NTPCR: variants seen among roughly 807,000 people sequenced by gnomAD.
NTPCR encodes the protein cancer-related nucleoside-triphosphatase.
Under a neutral mutation model 19.5 loss-of-function variants are expected in NTPCR, and 15 were observed. That is an observed-to-expected ratio of 0.77 (90% CI 0.51 to 1.18). The LOEUF (loss-of-function observed/expected upper bound fraction) is 1.18. NTPCR is among the 50% of genes most tolerant of loss of function. NTPCR has a pLI of 0.00. For synonymous variants in NTPCR, 90 were observed against 95.8 expected (o/e 0.94, Z 0.36); for missense variants, 206 against 240.4 (o/e 0.86, Z 0.95).
intron 3 of NTPCR, among the ~76,000 whole-genome samples, chr1:232,958,143 T>G (rs1668564576): frequency 6.6e-6 from 1 of 152,236 alleles, no homozygotes; most frequent in African/African-American, 2.4e-5. Context: ...CTTACTACTT[T>G]GATTTGTGAA....
chr1:232,966,014 C>G (rs1668808280), intron 3 of NTPCR: 1 of 152,260 alleles, frequency 6.6e-6, no homozygotes, highest in Admixed American at 6.5e-5. Context: ...GACACCTTGT[C>G]CTGGCTATGC....
At chr1:232,956,233 C>A in intron 2 of NTPCR, 114 bp from the exon 3 acceptor site, 1 of 738,096 alleles carries the variant, frequency 1.4e-6, no homozygotes, top group African/African-American at 1.7e-5. Context: ...TTGTGTTGGT[C>A]ATTTTTAAGG....
At chr1:232,951,552 T>C (rs1016790233) in intron 1 of NTPCR, among the ~76,000 whole-genome samples, 1 of 152,180 alleles carries the variant, frequency 6.6e-6, no homozygotes, top group Admixed American at 6.5e-5. Context: ...TAAAAAAAGA[T>C]AGATGGGCTA....
chr1:232,972,722 T>C (rs1340850229), intron 4 of NTPCR, among the ~76,000 whole-genome samples: 1 of 152,226 alleles, frequency 6.6e-6, no homozygotes, highest in African/African-American at 2.4e-5. Context: ...CCACTGTGCC[T>C]GGCCAAGAAC....
Position 232,970,453 on chromosome 1 carries a change from C to T in NTPCR, c.504+335C>T, listed in dbSNP as rs985875781. 2.4e-4 allele frequency among the ~76,000 whole-genome samples: 36 copies of T among 152,250 alleles called. No individual in the cohort carries two copies. The East Asian group carries it at 3.5e-3, about 15-fold the overall frequency. On this transcript the variant is annotated intron_variant, in intron 4 of 4. Transcript: ENST00000366628. ...GCTTATCTCTTCTCAGATTGAAAGGCGCCAGGTTGGGATACAGAGGCAAAT... is the reference window on the plus strand; with the variant it reads ...GCTTATCTCTTCTCAGATTGAAAGGTGCCAGGTTGGGATACAGAGGCAAAT...
At chr1:232,960,614 T>G (rs1230840521) in intron 3 of NTPCR, among the ~76,000 whole-genome samples, 1 of 152,102 alleles carries the variant, frequency 6.6e-6, no homozygotes, top group Non-Finnish European at 1.5e-5. Context: ...AGTGCTGGGA[T>G]TACAGGCGTG....
chr1:232,973,260 A>G (rs917966905), intron 4 of NTPCR, among the ~76,000 whole-genome samples: 1 of 152,194 alleles, frequency 6.6e-6, no homozygotes, highest in Non-Finnish European at 1.5e-5. Flanking sequence ...AGCTCATGAT[A>G]TGGGGGAAAT....
At position 232,978,315 on chromosome 1, in the gene NTPCR, C is replaced by A. The variant is rs1669201418; in HGVS notation, c.*84C>A. ...AGCCCTGCCTGTCGAGGCTGTATGCCTATGGGGTTATGGAACCTTGTGGGC... is the reference window on the plus strand; with the variant it reads ...AGCCCTGCCTGTCGAGGCTGTATGCATATGGGGTTATGGAACCTTGTGGGC... On this transcript the variant is annotated 3_prime_UTR_variant, in exon 5 of 5. Transcript: ENST00000366628. 8.7e-7 allele frequency: 1 copy of A among 1,143,856 alleles called. No individual in the cohort carries two copies. The highest frequency in any genetic ancestry group is 1.3e-6 in the Non-Finnish European group (1 of 772,624). The allele number at this position is 1,143,856 out of a possible 1,614,324, so 70.9% of individuals were successfully genotyped here.
chr1:232,953,709 AT>A (rs993027546), intron 1 of NTPCR, among the ~76,000 whole-genome samples: 6 of 150,218 alleles, frequency 4.0e-5, no homozygotes, highest in Middle Eastern at 3.4e-3. Context: ...TCTTCTTGAC[AT>A]TTTTTTTTTC....
intron 4 of NTPCR, among the ~76,000 whole-genome samples, chr1:232,972,977 G>A (rs917916460): frequency 5.3e-5 from 8 of 152,150 alleles, no homozygotes; most frequent in African/African-American, 1.9e-4. Context: ...GTGGAGAGGT[G>A]TCCAAAGGAA....
chr1:232,964,938 C>G (rs1168678376), intron 3 of NTPCR: 1 of 152,162 alleles, frequency 6.6e-6, no homozygotes, highest in Non-Finnish European at 1.5e-5. Flanking sequence ...GTGGACATAT[C>G]AGGATACCTG....
chr1:232,973,841 T>C (rs1223398666), intron 4 of NTPCR, among the ~76,000 whole-genome samples: 4 of 152,122 alleles, frequency 2.6e-5, no homozygotes, highest in Non-Finnish European at 5.9e-5. Context: ...TCAGTGAACT[T>C]GAAGGTAGAA....
chr1:232,968,087 C>G (rs1469389050), intron 3 of NTPCR: 2 of 152,226 alleles, frequency 1.3e-5, no homozygotes, highest in African/African-American at 4.8e-5. Flanking sequence ...CTTCAGCTCC[C>G]CACTTCTCAG....
At chr1:232,951,503 G>C (rs1361477120) in intron 1 of NTPCR, among the ~76,000 whole-genome samples, 1 of 152,166 alleles carries the variant, frequency 6.6e-6, no homozygotes, top group Non-Finnish European at 1.5e-5. Flanking sequence ...CATGTATCAA[G>C]CATTACTAAA....
At chr1:232,976,166 G>A (rs1182404651) in intron 4 of NTPCR, 1 of 591,126 alleles carries the variant, frequency 1.7e-6, no homozygotes, top group African/African-American at 1.9e-5. Context: ...TTGATATAAT[G>A]TACATATTTA....
chr1:232,964,005 A>G (rs915174819), intron 3 of NTPCR: 3 of 152,216 alleles, frequency 2.0e-5, no homozygotes, highest in African/African-American at 7.2e-5. Context: ...TAATCAATAC[A>G]GTTATCAACC....
chr1:232,977,900 C>G (rs969046842), intron 4 of NTPCR, among the ~76,000 whole-genome samples: 4 of 152,186 alleles, frequency 2.6e-5, no homozygotes, highest in East Asian at 1.9e-4. Flanking sequence ...CTTCACAGCT[C>G]TCCCCATGGT....
At chr1:232,968,845 C>A (rs1473851914) in intron 3 of NTPCR, 1 of 152,324 alleles carries the variant, frequency 6.6e-6, no homozygotes, top group East Asian at 1.9e-4. Flanking sequence ...ATTTGTCATT[C>A]ACCATTCATT....
chr1:232,953,038 A>G (rs1322232649), intron 1 of NTPCR, among the ~76,000 whole-genome samples: 7 of 152,184 alleles, frequency 4.6e-5, no homozygotes, highest in Non-Finnish European at 1.0e-4. Context: ...CTCACTCCTC[A>G]GACAGGATAA....
Sources: allele counts gnomAD v4.1 joint callset (sites outside exome capture counted in the v4.1 genomes callset), GRCh38; gene constraint gnomAD v4.1.1; transcripts MANE v1.5; gene names NCBI Gene and HGNC (gene_info 2026-07-23, HGNC 2026-07-21).